Variants in ZKSCAN5 observed in about 807,000 individuals in gnomAD.
The protein encoded by ZKSCAN5 is zinc finger protein with KRAB and SCAN domains 5.
Under a neutral mutation model 60.0 loss-of-function variants are expected in ZKSCAN5, and 28 were observed. The observed-to-expected ratio is 0.47, with a 90% CI of 0.35 to 0.64. The LOEUF is 0.64. ZKSCAN5 is among the 30% of genes least tolerant of loss of function. The probability of loss-of-function intolerance (pLI) is 0.01; values close to 1 mark genes in which losing one functional copy is unlikely to be tolerated. For synonymous variants in ZKSCAN5, 361 were observed against 371.2 expected, an observed-to-expected ratio of 0.97 and a Z score of 0.31; for missense variants, 881 against 1,034.6, an observed-to-expected ratio of 0.85 and a Z score of 2.04.
At chr7:99,507,578 T>C (rs935783805) in intron 2 of ZKSCAN5, among the ~76,000 whole-genome samples, 2 of 149,330 alleles carry the variant, frequency 1.3e-5, no homozygotes, top group African/African-American at 4.9e-5. Context: ...TATATATGTG[T>C]ATATTTATGT....
At chr7:99,520,402 G>A (rs942621470) in intron 5 of ZKSCAN5, 98 bp downstream of exon 5, 92 of 1,391,968 alleles carry the variant, frequency 6.6e-5, no homozygotes, top group Non-Finnish European at 8.1e-5. Flanking sequence ...TATGTTTTAT[G>A]TGCTATGACT....
intron 3 of ZKSCAN5, among the ~76,000 whole-genome samples, chr7:99,514,965 G>A (rs13223272): frequency 0.023 from 3,542 of 151,660 alleles, 58 homozygotes; most frequent in South Asian, 0.041. Context: ...CTGTGGTCCC[G>A]GCTATACCAG....
chr7:99,512,591 G>A lies in ZKSCAN5; in HGVS notation c.553G>A (p.Ala185Thr), dbSNP rs1223271042. ...PQKPRLLEEN[A>T]LPVLQVPSLP... ...GAAGCCTCGTCTCCTGGAGGAAAAT[G>A]GTGAGGCTCAGTGATTCAGTGGAAC... is the stretch of plus-strand genomic sequence containing the variant. Residue 185 changes from alanine to threonine, a missense_variant and splice_region_variant, in exon 3 of 7, where the codon GCC becomes ACC. Transcript: ENST00000326775. 2 of 1,613,548 alleles carry A rather than the reference G, an allele frequency of 1.2e-6. No individual in the cohort carries two copies. The highest frequency in any genetic ancestry group is 2.7e-5 in the African/African-American group (2 of 74,896).
chr7:99,530,519 T>A (rs1458956689), intron 6 of ZKSCAN5, among the ~76,000 whole-genome samples: 4 of 152,296 alleles, frequency 2.6e-5, no homozygotes, highest in Non-Finnish European at 5.9e-5. Flanking sequence ...ATTTTTTTTT[T>A]CTTGTTGACT....
chr7:99,514,057 G>GAA (rs1177192379), intron 3 of ZKSCAN5, among the ~76,000 whole-genome samples: 2 of 151,988 alleles, frequency 1.3e-5, no homozygotes, highest in Admixed American at 6.6e-5. Flanking sequence ...AAAAAGAAAA[G>GAA]AATACTGTCA....
intron 5 of ZKSCAN5, among the ~76,000 whole-genome samples, chr7:99,522,103 T>C (rs1007197672): frequency 6.6e-6 from 1 of 152,224 alleles, no homozygotes; most frequent in Admixed American, 6.5e-5. Flanking sequence ...ATCACTTCAA[T>C]ACACTATTCT....
intron 6 of ZKSCAN5, among the ~76,000 whole-genome samples, chr7:99,528,426 G>T (rs1054505395): frequency 2.1e-4 from 32 of 151,872 alleles, no homozygotes; most frequent in African/African-American, 7.5e-4. Flanking sequence ...TTTGTGGGGC[G>T]GGGGCGTTTT....
chr7:99,509,618 C>T (rs1800928943), intron 2 of ZKSCAN5, among the ~76,000 whole-genome samples: 1 of 152,052 alleles, frequency 6.6e-6, no homozygotes, highest in Admixed American at 6.6e-5. Flanking sequence ...AGGCACACGC[C>T]ACCATGCCCG....
At position 99,531,722 on chromosome 7, in the gene ZKSCAN5, G is replaced by GA; in HGVS notation, c.1995dup (p.Cys666MetfsTer10). 6.2e-7 allele frequency: 1 copy of GA among 1,614,196 alleles called. No homozygotes were observed. The highest frequency in any genetic ancestry group is 8.5e-7 in the Non-Finnish European group (1 of 1,180,042). On this transcript the variant is annotated frameshift_variant, in exon 7 of 7. Coordinates refer to ENST00000326775, the MANE Select transcript of ZKSCAN5 (RefSeq NM_145102.4). LOFTEE classifies it low-confidence loss of function (END_TRUNC). ...CCGAGAGAAATCCCATCAGTGTCGT[G>GA]AATGTGGGGAAATCTTTTTTCAGTA...
At chr7:99,516,047 G>A (rs1801253059) in intron 3 of ZKSCAN5, among the ~76,000 whole-genome samples, 1 of 151,710 alleles carries the variant, frequency 6.6e-6, no homozygotes, top group South Asian at 2.1e-4. Flanking sequence ...GAGTGTAGTG[G>A]CGTGACTGCA....
In ZKSCAN5 at chr7:99,533,152, C is replaced by T. The variant is rs1457889405; in HGVS notation, c.*903C>T. 5 of 514,106 alleles carry T rather than the reference C, an allele frequency of 9.7e-6. No individual in the cohort carries two copies. Among genetic ancestry groups the T allele is most frequent in the African/African-American group, 1.9e-5 (1 of 52,754 alleles). 31.8% of individuals were successfully genotyped at this position (514,106 alleles called of 1,614,324 possible). ...AGTCCTGGTCCCAGCAGTATGTGTGCTGACTTCTGGGTGCCCCAGAAATAG... is the reference window on the plus strand; with the variant it reads ...AGTCCTGGTCCCAGCAGTATGTGTGTTGACTTCTGGGTGCCCCAGAAATAG... On this transcript the variant is annotated 3_prime_UTR_variant, in exon 7 of 7. Transcript: ENST00000326775.
rs747459138 is a variant in ZKSCAN5, at chr7:99,531,923, C to G, written c.2194C>G (p.Leu732Val). 21 of 1,614,158 alleles carry G rather than the reference C, an allele frequency of 1.3e-5. No individual in the cohort carries two copies. Among genetic ancestry groups the G allele is most frequent in the Non-Finnish European group, 1.8e-5 (21 of 1,180,046 alleles). The change falls in exon 7 of 7, where the codon CTC (leucine) becomes GTC (valine). Residue 732 changes from leucine (L) to valine (V), a missense_variant. Around this residue, in one of 5 missense-constraint regions of ZKSCAN5, gnomAD observed 138 missense variants for 143.8 expected, o/e 0.96. Transcript: ENST00000326775. Reference protein sequence around the residue: ...CGKAFGYSSDLIQHYRTHTAE... With the variant: ...CGKAFGYSSDVIQHYRTHTAE... ...AAAAGCCTTTGGTTATAGCTCAGAC[C>G]TCATTCAGCATTACAGAACTCATAC...
rs967404918 is a variant in ZKSCAN5 at position 99,526,290 on chromosome 7, T to G, written c.1250T>G (p.Leu417Arg). 6.2e-7 allele frequency: 1 copy of G among 1,613,142 alleles called. No homozygotes were observed. The highest frequency in any genetic ancestry group is 8.5e-7 in the Non-Finnish European group (1 of 1,179,988). ...AAGGCTTTCCGGGTGAGTTCCCACC[T>G]GGTTCAGCACCACAGTGTCCACAGC... Reference protein sequence around the residue: ...CGKAFRVSSHLVQHHSVHSGE... With the variant: ...CGKAFRVSSHRVQHHSVHSGE... The change falls in exon 6 of 7, where the codon CTG becomes CGG. Residue 417 changes from leucine (L) to arginine (R), a missense_variant. By Grantham distance (102) the Leu-to-Arg change is moderately radical (BLOSUM62 -2). This residue lies in a region of ZKSCAN5 where 490 missense variants were observed against 554.5 expected (regional missense o/e 0.88). Transcript: ENST00000326775.
intron 5 of ZKSCAN5, among the ~76,000 whole-genome samples, chr7:99,521,178 C>T (rs11761528): frequency 0.12 from 18,013 of 152,008 alleles, 1,357 homozygotes; most frequent in African/African-American, 0.21. Context: ...CAAACATACA[C>T]GCTACAAAAT....
At position 99,531,889 on chromosome 7, in the gene ZKSCAN5, T is replaced by C; in HGVS notation, c.2160T>C (p.Asp720=). Reference sequence around the variant, plus strand: ...TACAAGAGCAGCCTTATCAGTGTGATATCTGTGGAAAAGCCTTTGGTTATA... The same window carrying C: ...TACAAGAGCAGCCTTATCAGTGTGACATCTGTGGAAAAGCCTTTGGTTATA... ...IELQEQPYQC[D]ICGKAFGYSS... is the part of the protein sequence containing the mutation. The change falls in exon 7 of 7, where the codon GAT becomes GAC. Residue 720 remains aspartate (D), a synonymous_variant. Coordinates refer to ENST00000326775, the MANE Select transcript of ZKSCAN5 (RefSeq NM_145102.4). 4.3e-6 allele frequency: 7 copies of C among 1,614,174 alleles called. No individual in the cohort carries two copies. Among genetic ancestry groups the C allele is most frequent in the Non-Finnish European group, 5.9e-6 (7 of 1,180,048 alleles).
intron 3 of ZKSCAN5, 82 bp from the exon 4 acceptor site, chr7:99,519,745 T>A: frequency 7.2e-7 from 1 of 1,395,998 alleles, no homozygotes; most frequent in Non-Finnish European, 1.0e-6. Context: ...CCATTATGGA[T>A]TCCTGAGCAT....
At chr7:99,527,060 C>G (rs1290414114) in intron 6 of ZKSCAN5, among the ~76,000 whole-genome samples, 2 of 152,156 alleles carry the variant, frequency 1.3e-5, no homozygotes, top group Admixed American at 1.3e-4. Flanking sequence ...GGTACAGTGG[C>G]TCACACCTGT....
chr7:99,517,863 A>C (rs1482896278), intron 3 of ZKSCAN5, among the ~76,000 whole-genome samples: 1 of 151,896 alleles, frequency 6.6e-6, no homozygotes, highest in Non-Finnish European at 1.5e-5. Flanking sequence ...AAAAAAAAGA[A>C]AGTTTACAAA....
intron 3 of ZKSCAN5, among the ~76,000 whole-genome samples, chr7:99,518,394 C>T (rs2151104838): frequency 6.6e-6 from 1 of 151,702 alleles, no homozygotes; most frequent in East Asian, 1.9e-4. Flanking sequence ...GCACTCTAGC[C>T]TGGGCCACAG....
Sources: gnomAD v4.1 joint callset for allele counts (sites outside exome capture counted in the v4.1 genomes callset) on GRCh38, gnomAD v4.1.1 for gene constraint, gnomAD v4.1.1 regional missense constraint, MANE v1.5 for transcripts, NCBI Gene and HGNC (gene_info 2026-07-23, HGNC 2026-07-21) for gene names.